Variants in NIPBL observed in about 807,000 individuals in gnomAD.
NIPBL encodes the protein NIPBL cohesin loading factor.
A neutral mutation model predicts 321.8 loss-of-function variants in NIPBL; 19 were observed. The observed-to-expected ratio is 0.06, with a 90% CI of 0.04 to 0.09. NIPBL has a LOEUF of 0.09. Ranked by LOEUF, NIPBL falls within the 10% of genes least tolerant of loss-of-function variation. The pLI, the probability that NIPBL is intolerant of heterozygous loss-of-function variation, is 1.00. For synonymous variants in NIPBL, 1,106 were observed against 1,114.1 expected (o/e 0.99, Z 0.14); for missense variants, 2,210 against 3,327.0 (o/e 0.66, Z 8.26).
intron 1 of NIPBL, chr5:36,886,568 T>C (rs1044889020): frequency 1.6e-6 from 1 of 608,196 alleles, no homozygotes; most frequent in Non-Finnish European, 2.9e-6. Context: ...TGGGGGAAAA[T>C]AGGCTATTCA....
In NIPBL at chr5:37,027,603, G is replaced by GTTTTTT. The variant is rs781358128; in HGVS notation, c.5862+211_5862+216dup. Among the ~76,000 whole-genome samples, 94 of 69,748 alleles carry GTTTTTT rather than the reference G, an allele frequency of 1.3e-3. 3 individuals are homozygous for GTTTTTT. Among genetic ancestry groups the GTTTTTT allele is most frequent in the Non-Finnish European group, 1.5e-3 (60 of 40,866 alleles). 45.8% of individuals were successfully genotyped at this position (69,748 alleles called of 152,430 possible). On this transcript the variant is annotated intron_variant, in intron 32 of 46. Transcript: ENST00000282516. ...TAATTAATTCAGTTGCCTGGTTGTG[G>GTTTTTT]TTTTTTTTTTTTTTTTTTTTTTTTT...
intron 32 of NIPBL, among the ~76,000 whole-genome samples, chr5:37,030,454 G>C (rs911643552): frequency 3.3e-5 from 5 of 152,146 alleles, no homozygotes; most frequent in Non-Finnish European, 7.4e-5. Context: ...AGAAAAGCTA[G>C]GAAGGATATA....
chr5:36,940,182 A>G (rs993764782), intron 1 of NIPBL, among the ~76,000 whole-genome samples: 2 of 152,190 alleles, frequency 1.3e-5, no homozygotes, highest in African/African-American at 4.8e-5. Context: ...AAACACAGTT[A>G]TTGTAATTTC....
intron 32 of NIPBL, among the ~76,000 whole-genome samples, chr5:37,028,502 A>G (rs569890571): frequency 5.3e-5 from 8 of 151,742 alleles, no homozygotes; most frequent in African/African-American, 1.9e-4. Flanking sequence ...CACCACACCC[A>G]GCTAATTTTT....
chr5:37,000,742 A>C, intron 12 of NIPBL, 75 bp from the exon 13 acceptor site: 1 of 1,408,044 alleles, frequency 7.1e-7, no homozygotes, highest in South Asian at 1.2e-5. Context: ...CGTTCAGGAA[A>C]AAAACTAGAA....
chr5:37,011,730 T>C (rs1428320872), intron 21 of NIPBL, among the ~76,000 whole-genome samples: 3 of 152,138 alleles, frequency 2.0e-5, no homozygotes, highest in Non-Finnish European at 4.4e-5. Flanking sequence ...AAATTTGATA[T>C]ACAATTATTT....
intron 43 of NIPBL, 23 bp downstream of exon 43, chr5:37,057,355 C>T: frequency 6.2e-7 from 1 of 1,606,944 alleles, no homozygotes; most frequent in East Asian, 2.2e-5. Context: ...CATTACTATT[C>T]TTAATCCATC....
chr5:37,052,799 C>A (rs1015708818), intron 42 of NIPBL, among the ~76,000 whole-genome samples: 2 of 152,116 alleles, frequency 1.3e-5, no homozygotes, highest in African/African-American at 4.8e-5. Context: ...TACTGAATAT[C>A]CTATAAACTT....
chr5:36,907,518 C>T (rs1054740401), intron 1 of NIPBL, among the ~76,000 whole-genome samples: 30 of 152,112 alleles, frequency 2.0e-4, no homozygotes, highest in African/African-American at 7.0e-4. Flanking sequence ...GTTATAGCTT[C>T]GGGAGTATTA....
chr5:36,912,286 T>TATAG (rs1245929835), intron 1 of NIPBL, among the ~76,000 whole-genome samples: 4 of 152,124 alleles, frequency 2.6e-5, no homozygotes, highest in East Asian at 3.9e-4. Flanking sequence ...AGAGAAGGAA[T>TATAG]ATAGGGAGGA....
In NIPBL at chr5:37,019,384, C is replaced by T. The variant is rs1749366790; in HGVS notation, c.4994C>T (p.Thr1665Ile). 2 of 1,611,196 alleles carry T rather than the reference C, an allele frequency of 1.2e-6. No individual in the cohort carries two copies. Among genetic ancestry groups the T allele is most frequent in the Admixed American group, 1.7e-5 (1 of 59,992 alleles). The part of the protein sequence containing the change: ...LLDYLDENTE[T>I]DPSLVFSRKF... ...GATTACTTGGATGAAAACACTGAGA[C>T]TGATCCTTCACTAGTGGTAGGATTC... The change falls in exon 25 of 47, where the codon ACT (threonine) becomes ATT (isoleucine). Residue 1665 changes from threonine (T) to isoleucine (I), a missense_variant. Coordinates refer to ENST00000282516, the MANE Select transcript of NIPBL (RefSeq NM_133433.4).
chr5:37,041,547 G>A (rs1184429263), intron 34 of NIPBL, among the ~76,000 whole-genome samples: 1 of 151,640 alleles, frequency 6.6e-6, no homozygotes, highest in South Asian at 2.1e-4. Flanking sequence ...TTACAGGCAT[G>A]AGCCACTGTG....
chr5:36,965,816 A>G (rs990185961), intron 6 of NIPBL, among the ~76,000 whole-genome samples: 1 of 152,134 alleles, frequency 6.6e-6, no homozygotes, highest in Non-Finnish European at 1.5e-5. Context: ...AATAAAACAT[A>G]ATTTTATTTG....
intron 29 of NIPBL, among the ~76,000 whole-genome samples, chr5:37,023,601 A>G (rs1006057940): frequency 1.3e-5 from 2 of 152,044 alleles, no homozygotes; most frequent in Admixed American, 6.6e-5. Flanking sequence ...CCAAATTAGC[A>G]CTCTAGTATC....
At chr5:37,062,677 T>C (rs1223080816) in intron 45 of NIPBL, among the ~76,000 whole-genome samples, 1 of 152,216 alleles carries the variant, frequency 6.6e-6, no homozygotes, top group African/African-American at 2.4e-5. Flanking sequence ...CTTAGCACCT[T>C]GGGAGGCCTA....
At chr5:37,014,450 A>G (rs1203945833) in intron 21 of NIPBL, among the ~76,000 whole-genome samples, 1 of 152,136 alleles carries the variant, frequency 6.6e-6, no homozygotes, top group Non-Finnish European at 1.5e-5. Context: ...TTAACCACAT[A>G]TGTTACTCTT....
intron 1 of NIPBL, among the ~76,000 whole-genome samples, chr5:36,892,870 A>G (rs905173483): frequency 1.3e-5 from 2 of 152,334 alleles, no homozygotes; most frequent in East Asian, 3.9e-4. Context: ...GCACACCAAC[A>G]TGGCACATGT....
In NIPBL at chr5:36,877,072, G is replaced by A. The variant is rs1745116487; in HGVS notation, c.-186G>A. ...CCCGGCTCTACATGTTCCCCGCACT[G>A]AGGAGACGGAAGAGGAGCCGTAGCC... On this transcript the variant is annotated 5_prime_UTR_variant, in exon 1 of 47. It removes the in-frame stop codon of an upstream open reading frame in the 5' UTR. Transcript: ENST00000282516. The A allele has an allele frequency of 5.6e-6, 2 of 357,720 alleles. No individual in the cohort carries two copies. The highest frequency in any genetic ancestry group is 1.5e-4 in the South Asian group (1 of 6,772). 22.2% of individuals were successfully genotyped at this position (357,720 alleles called of 1,614,324 possible).
intron 21 of NIPBL, among the ~76,000 whole-genome samples, chr5:37,011,795 C>G: frequency 6.6e-6 from 1 of 151,896 alleles, no homozygotes; most frequent in Middle Eastern, 3.4e-3. Flanking sequence ...CACTCAACAT[C>G]GCTTTTAATA....
Sources: gnomAD v4.1 joint callset for allele counts (sites outside exome capture counted in the v4.1 genomes callset) on GRCh38, gnomAD v4.1.1 for gene constraint, MANE v1.5 for transcripts, NCBI Gene and HGNC (gene_info 2026-07-23, HGNC 2026-07-21) for gene names.